HTT: variants seen among roughly 807,000 people sequenced by gnomAD.
HTT encodes the protein huntington disease protein.
HTT carries 104 observed loss-of-function variants against 362.3 expected under a neutral mutation model. The observed-to-expected ratio is 0.29, with a 90% CI of 0.24 to 0.34. The LOEUF (loss-of-function observed/expected upper bound fraction) is 0.34. HTT is among the 10% of genes least tolerant of loss of function. HTT has a pLI of 1.00. For missense variants in HTT, 3,301 were observed against 3,928.6 expected (o/e 0.84, Z 4.27); for synonymous variants, 1,577 against 1,548.7 (o/e 1.02, Z -0.43).
At position 3,161,782 on chromosome 4, in the gene HTT, T is replaced by C. The variant is rs186222091; in HGVS notation, c.3864+1390T>C. The stretch of plus-strand genomic sequence containing the variant: ...TTTGATGGGGTTGTTTGCTTTTTTT[T>C]CGTAAATTTGTTTAAGTTCTTTGTA... On this transcript the variant is annotated intron_variant, in intron 29 of 66. Transcript: ENST00000355072. Among the ~76,000 whole-genome samples, 594 of 152,328 alleles carry C rather than the reference T, an allele frequency of 3.9e-3. 10 individuals carry two copies. The highest frequency in any genetic ancestry group is 0.014 in the African/African-American group (563 of 41,562).
At chr4:3,163,887 A>AT (rs140769204) in intron 29 of HTT, among the ~76,000 whole-genome samples, 20,813 of 151,102 alleles carry the variant, frequency 0.14, 1,791 homozygotes, top group African/African-American at 0.25. Flanking sequence ...GGATTCATTG[A>AT]TTTTTTTTGG....
Position 3,231,609 on chromosome 4 carries a change from T to C in HTT, c.8266-1554T>C, listed in dbSNP as rs74914743. On this transcript the variant is annotated intron_variant, in intron 60 of 66. Coordinates refer to ENST00000355072, the MANE Select transcript of HTT (RefSeq NM_001388492.1). ...AACGCCAGTCATCTTCCCTTGTGGG[T>C]GTCCTTCAGCCTGGTGCCATGCTGG... Among the ~76,000 whole-genome samples the C allele has an allele frequency of 5.7e-3, 870 of 152,310 alleles. 18 individuals are homozygous for C. In the East Asian group the frequency reaches 0.061, roughly 11 times the overall value.
chr4:3,141,335 C>G (rs1716335051), intron 22 of HTT, among the ~76,000 whole-genome samples: 1 of 152,176 alleles, frequency 6.6e-6, no homozygotes, highest in African/African-American at 2.4e-5. Context: ...TTTTACAAAA[C>G]TTGGACTAAA....
chr4:3,136,894 T>C (rs1716094784), intron 21 of HTT, among the ~76,000 whole-genome samples: 1 of 152,032 alleles, frequency 6.6e-6, no homozygotes, highest in African/African-American at 2.4e-5. Context: ...TCCTGGAAGT[T>C]GAGTTACCAG....
chr4:3,122,766 C>G (rs1379860419), intron 9 of HTT, 123 bp from the exon 10 acceptor site: 7 of 692,530 alleles, frequency 1.0e-5, no homozygotes, highest in Admixed American at 2.6e-5. Flanking sequence ...TTAAGTGTTT[C>G]CTGTGGAAAA....
In HTT at chr4:3,127,327, CA is replaced by C; in HGVS notation, c.1467del (p.Ala490GlnfsTer28). 1 of 1,614,172 alleles carries C rather than the reference CA, an allele frequency of 6.2e-7. No homozygotes were observed. The highest frequency in any genetic ancestry group is 8.5e-7 in the Non-Finnish European group (1 of 1,180,018). On this transcript the variant is annotated frameshift_variant, in exon 12 of 67. Coordinates refer to ENST00000355072, the MANE Select transcript of HTT (RefSeq NM_001388492.1). LOFTEE classifies it high-confidence loss of function. ...TCTTCAGGGGTTTCCACTCCAGGGTCAGCAGGTCATGACATCATCACAGAAC... is the reference window on the plus strand; with the variant it reads ...TCTTCAGGGGTTTCCACTCCAGGGTCGCAGGTCATGACATCATCACAGAAC... ...AASSGVSTPG[S>X]AGHDIITEQP...
At chr4:3,222,698 C>G in intron 54 of HTT, among the ~76,000 whole-genome samples, 1 of 152,206 alleles carries the variant, frequency 6.6e-6, no homozygotes, top group East Asian at 1.9e-4. Flanking sequence ...GGCTGGAATG[C>G]ATTTTATTAC....
At chr4:3,234,312 G>C (rs1031289656) in intron 61 of HTT, among the ~76,000 whole-genome samples, 2 of 152,232 alleles carry the variant, frequency 1.3e-5, no homozygotes, top group Admixed American at 1.3e-4. Flanking sequence ...TCACAAGCCC[G>C]TGGGGAGGCC....
chr4:3,231,539 C>T (rs572257669), intron 60 of HTT, among the ~76,000 whole-genome samples: 66 of 152,268 alleles, frequency 4.3e-4, no homozygotes, highest in Admixed American at 1.4e-3. Context: ...TCCCTCTCTG[C>T]GAGTCTTGAC....
intron 37 of HTT, among the ~76,000 whole-genome samples, chr4:3,183,080 C>G (rs1028878340): frequency 3.9e-5 from 6 of 152,202 alleles, no homozygotes; most frequent in Non-Finnish European, 5.9e-5. Context: ...TGAGGTCTCG[C>G]TGTGTTGCCC....
At chr4:3,120,123 A>G (rs1715225270) in intron 8 of HTT, among the ~76,000 whole-genome samples, 2 of 152,216 alleles carry the variant, frequency 1.3e-5, no homozygotes, top group African/African-American at 2.4e-5. Flanking sequence ...TTTTTACTTT[A>G]TACTCTTCTA....
chr4:3,114,293 T>C (rs532828885), intron 6 of HTT, among the ~76,000 whole-genome samples: 2 of 152,316 alleles, frequency 1.3e-5, no homozygotes, highest in South Asian at 4.2e-4. Context: ...CCCACAACCT[T>C]CCAGTGTGGG....
intron 11 of HTT, among the ~76,000 whole-genome samples, chr4:3,126,843 C>T (rs1184553684): frequency 2.0e-5 from 3 of 152,160 alleles, no homozygotes; most frequent in Non-Finnish European, 4.4e-5. Context: ...CAAGCCCACC[C>T]CAGAGAGATG....
chr4:3,090,477 A>G (rs1034424346), intron 2 of HTT, among the ~76,000 whole-genome samples: 2 of 152,246 alleles, frequency 1.3e-5, no homozygotes, highest in African/African-American at 4.8e-5. Context: ...GTACCTTGAT[A>G]AGGTGGCTAG....
intron 2 of HTT, among the ~76,000 whole-genome samples, chr4:3,095,996 T>C (rs1322521552): frequency 6.6e-6 from 1 of 152,204 alleles, no homozygotes; most frequent in Non-Finnish European, 1.5e-5. Context: ...ACATTCTAAA[T>C]ATAAAGGCAA....
chr4:3,180,970 G>A (rs1273035342), intron 36 of HTT, among the ~76,000 whole-genome samples: 1 of 151,578 alleles, frequency 6.6e-6, no homozygotes, highest in African/African-American at 2.4e-5. Context: ...TCCACCTCCC[G>A]GGTTTAAGCA....
intron 46 of HTT, 111 bp from the exon 47 acceptor site, chr4:3,209,716 T>C: frequency 7.4e-7 from 1 of 1,353,854 alleles, no homozygotes; most frequent in Middle Eastern, 2.7e-4. Context: ...GGCAGCCCTC[T>C]CAGCCTAGTG....
intron 7 of HTT, 111 bp downstream of exon 7, chr4:3,115,556 T>G: frequency 1.1e-6 from 1 of 871,862 alleles, no homozygotes; most frequent in Non-Finnish European, 1.8e-6. Flanking sequence ...TATTTGGCAC[T>G]GGTTGATTGA....
Position 3,074,763 on chromosome 4 carries a change from C to G in HTT, c.-63C>G. On this transcript the variant is annotated 5_prime_UTR_variant, in exon 1 of 67. Transcript: ENST00000355072. Reference sequence around the variant, plus strand: ...CAGAGCCCCATTCATTGCCCCGGTGCTGAGCGGCGCCGCGAGTCGGCCCGA... The same window carrying G: ...CAGAGCCCCATTCATTGCCCCGGTGGTGAGCGGCGCCGCGAGTCGGCCCGA... 6.7e-7 allele frequency: 1 copy of G among 1,485,986 alleles called. No individual in the cohort carries two copies. The highest frequency in any genetic ancestry group is 8.9e-7 in the Non-Finnish European group (1 of 1,119,300). 92.1% of individuals were successfully genotyped at this position (1,485,986 alleles called of 1,614,324 possible).
Sources: gnomAD v4.1 joint callset for allele counts (sites outside exome capture counted in the v4.1 genomes callset) on GRCh38, gnomAD v4.1.1 for gene constraint, MANE v1.5 for transcripts, NCBI Gene and HGNC (gene_info 2026-07-23, HGNC 2026-07-21) for gene names.